Variants in ADGB observed in about 807,000 individuals in gnomAD.
ADGB encodes the protein calpain-7-like protein.
Under a neutral mutation model 210.5 loss-of-function variants are expected in ADGB, and 172 were observed. The observed-to-expected ratio is 0.82, with a 90% CI of 0.72 to 0.93. The LOEUF (loss-of-function observed/expected upper bound fraction) is 0.93. ADGB is among the 40% of genes least tolerant of loss of function. The pLI is 0.00. For synonymous variants in ADGB, 658 were observed against 662.7 expected (o/e 0.99, Z 0.11); for missense variants, 2,025 against 1,964.8 (o/e 1.03, Z -0.58).
intron 6 of ADGB, among the ~76,000 whole-genome samples, chr6:146,665,742 G>C (rs963225947): frequency 6.6e-6 from 1 of 151,950 alleles, no homozygotes; most frequent in African/African-American, 2.4e-5. Flanking sequence ...AATTCTGGTG[G>C]AAAGTTTCCC....
rs1046168369 is a variant in ADGB at position 146,599,416 on chromosome 6, TA to T, written c.74+303del. 4.6e-5 allele frequency among the ~76,000 whole-genome samples: 7 copies of T among 152,238 alleles called. 1 individual carries two copies. In the South Asian group the frequency reaches 1.2e-3, roughly 27 times the overall value. ...CCCTCTCAGGCAGTTAGAAAGGCCA[TA>T]GCTTTCCTAAGAAAGAGGCATATCT... is the stretch of plus-strand genomic sequence containing the variant. On this transcript the variant is annotated intron_variant, in intron 1 of 35. Coordinates refer to ENST00000397944, the MANE Select transcript of ADGB (RefSeq NM_024694.4).
At chr6:146,698,616 G>A (rs1776443138) in intron 12 of ADGB, among the ~76,000 whole-genome samples, 1 of 152,122 alleles carries the variant, frequency 6.6e-6, no homozygotes, top group Non-Finnish European at 1.5e-5. Context: ...GACAAATATT[G>A]GCAGTTGGCA....
rs990062705 is a variant in ADGB, at chr6:146,782,117, A to G, written c.3960A>G (p.Thr1320=). The G allele has an allele frequency of 2.6e-6, 4 of 1,548,576 alleles. No individual in the cohort carries two copies. The highest frequency in any genetic ancestry group is 3.5e-6 in the Non-Finnish European group (4 of 1,145,850). Reference sequence around the variant, plus strand: ...AATCTTCAGTAACTTCCAAAACAACAAGGAAAGGCAAAGAAAAGTCTTCTG... The same window carrying G: ...AATCTTCAGTAACTTCCAAAACAACGAGGAAAGGCAAAGAAAAGTCTTCTG... ...GQKSSVTSKT[T]RKGKEKSSEK... is the part of the protein sequence containing the mutation. The change falls in exon 30 of 36, where the codon ACA becomes ACG. Residue 1320 remains threonine, a synonymous_variant. Coordinates refer to ENST00000397944, the MANE Select transcript of ADGB (RefSeq NM_024694.4).
At chr6:146,643,458 C>A (rs1440223062) in intron 2 of ADGB, among the ~76,000 whole-genome samples, 1 of 151,682 alleles carries the variant, frequency 6.6e-6, no homozygotes, top group African/African-American at 2.4e-5. Flanking sequence ...TCGTTTATAA[C>A]CTGTCAATTT....
intron 26 of ADGB, 105 bp from the exon 27 acceptor site, chr6:146,752,425 T>C: frequency 9.7e-7 from 1 of 1,033,270 alleles, no homozygotes; most frequent in Non-Finnish European, 1.4e-6. Context: ...GGGTCACAGT[T>C]TGACAGCAGA....
intron 25 of ADGB, among the ~76,000 whole-genome samples, chr6:146,742,248 C>T (rs1407940564): frequency 6.6e-6 from 1 of 151,838 alleles, no homozygotes; most frequent in Non-Finnish European, 1.5e-5. Flanking sequence ...ATATTATATA[C>T]ATATATAATC....
chr6:146,737,822 G>T (rs1456762998), intron 23 of ADGB, among the ~76,000 whole-genome samples: 3 of 152,068 alleles, frequency 2.0e-5, no homozygotes, highest in African/African-American at 7.2e-5. Context: ...ATACCTTCAG[G>T]GGATTGTTGT....
At chr6:146,715,342 T>C (rs1451592234) in intron 13 of ADGB, 40 bp from the exon 14 acceptor site, 5 of 1,441,806 alleles carry the variant, frequency 3.5e-6, no homozygotes, top group Non-Finnish European at 3.8e-6. Flanking sequence ...ATAGCTGTAA[T>C]GTTTTGTTGG....
intron 8 of ADGB, among the ~76,000 whole-genome samples, chr6:146,675,616 G>T (rs528196594): frequency 2.6e-4 from 39 of 152,222 alleles, no homozygotes; most frequent in Admixed American, 2.6e-3. Context: ...CTTAGCAGAT[G>T]ATGCAGAGAA....
At chr6:146,779,874 A>AG (rs398110800) in intron 29 of ADGB, among the ~76,000 whole-genome samples, 5 of 151,280 alleles carry the variant, frequency 3.3e-5, no homozygotes, top group Non-Finnish European at 5.9e-5. Flanking sequence ...AAAAAAAAAA[A>AG]GACACTAGGC....
chr6:146,661,005 GGATTC>G (rs1562267566), intron 5 of ADGB, among the ~76,000 whole-genome samples: 1 of 151,820 alleles, frequency 6.6e-6, no homozygotes, highest in Admixed American at 6.6e-5. Flanking sequence ...GCATTCCTTA[GGATTC>G]CATTTTGATT....
At chr6:146,633,545 T>C (rs1781095453) in intron 1 of ADGB, among the ~76,000 whole-genome samples, 1 of 152,064 alleles carries the variant, frequency 6.6e-6, no homozygotes, top group South Asian at 2.1e-4. Flanking sequence ...CTGACCTCTG[T>C]ATTATTCTTA....
intron 35 of ADGB, chr6:146,807,463 T>C: frequency 6.4e-7 from 1 of 1,551,624 alleles, no homozygotes; most frequent in African/African-American, 1.4e-5. Context: ...AGAAACAAAT[T>C]GCTGGAAGCT....
chr6:146,690,533 C>A (rs527575469), intron 10 of ADGB, among the ~76,000 whole-genome samples: 1 of 151,898 alleles, frequency 6.6e-6, no homozygotes, highest in Non-Finnish European at 1.5e-5. Flanking sequence ...CTGAATTATT[C>A]CAAAGCAGAC....
intron 1 of ADGB, among the ~76,000 whole-genome samples, chr6:146,614,253 G>GT (rs1780757850): frequency 8.5e-6 from 1 of 117,562 alleles, no homozygotes; most frequent in African/African-American, 3.2e-5. Context: ...TCCTTCAACA[G>GT]TTTTTTTGAT....
intron 11 of ADGB, among the ~76,000 whole-genome samples, chr6:146,692,225 C>G (rs1428550591): frequency 6.6e-6 from 1 of 151,962 alleles, no homozygotes; most frequent in African/African-American, 2.4e-5. Context: ...TAATAATCAC[C>G]CCTAATGTTT....
At chr6:146,700,461 T>C (rs1420305135) in intron 12 of ADGB, among the ~76,000 whole-genome samples, 2 of 152,290 alleles carry the variant, frequency 1.3e-5, no homozygotes, top group South Asian at 4.1e-4. Context: ...CCTATAAAAT[T>C]CTAGCGATGG....
At chr6:146,692,411 G>A (rs1161278216) in intron 11 of ADGB, among the ~76,000 whole-genome samples, 4 of 151,956 alleles carry the variant, frequency 2.6e-5, no homozygotes, top group African/African-American at 4.8e-5. Flanking sequence ...TTCCACTGCC[G>A]TATTCATATG....
At chr6:146,739,940 C>T (rs550392205) in intron 23 of ADGB, among the ~76,000 whole-genome samples, 7 of 152,304 alleles carry the variant, frequency 4.6e-5, no homozygotes, top group African/African-American at 1.2e-4. Flanking sequence ...ATGCTCTACT[C>T]CCTTATACAC....
Sources: allele counts gnomAD v4.1 joint callset (sites outside exome capture counted in the v4.1 genomes callset), GRCh38; gene constraint gnomAD v4.1.1; transcripts MANE v1.5; gene names NCBI Gene and HGNC (gene_info 2026-07-23, HGNC 2026-07-21).